NPAS3: variants seen among roughly 807,000 people sequenced by gnomAD.
NPAS3 encodes neuronal PAS domain protein 3.
NPAS3 carries 14 observed loss-of-function variants against 73.1 expected under a neutral mutation model. That is an observed-to-expected ratio of 0.19 (90% CI 0.13 to 0.30). NPAS3 has a LOEUF of 0.30. Ranked by LOEUF, NPAS3 falls within the 10% of genes least tolerant of loss-of-function variation. NPAS3 has a pLI of 1.00. For missense variants in NPAS3, 1,096 were observed against 1,250.0 expected, an observed-to-expected ratio of 0.88 and a Z score of 1.86; for synonymous variants, 620 against 541.5, an observed-to-expected ratio of 1.14 and a Z score of -2.01.
chr14:33,748,966 G>C (rs1229311399), intron 7 of NPAS3, among the ~76,000 whole-genome samples: 1 of 152,122 alleles, frequency 6.6e-6, no homozygotes, highest in Non-Finnish European at 1.5e-5. Flanking sequence ...GCTAGTTTGA[G>C]AATCTGAAAT....
chr14:33,657,158 T>C (rs1314967761), intron 5 of NPAS3, among the ~76,000 whole-genome samples: 3 of 152,182 alleles, frequency 2.0e-5, no homozygotes, highest in Non-Finnish European at 4.4e-5. Context: ...GTCAAATTCA[T>C]AGAAACAGAC....
At chr14:33,314,252 A>G (rs2043120023) in intron 3 of NPAS3, among the ~76,000 whole-genome samples, 1 of 152,036 alleles carries the variant, frequency 6.6e-6, no homozygotes, top group South Asian at 2.1e-4. Flanking sequence ...ATTTATTGTA[A>G]TTTTCTTCCA....
chr14:33,755,372 A>G (rs1386993597), intron 7 of NPAS3, among the ~76,000 whole-genome samples: 1 of 152,214 alleles, frequency 6.6e-6, no homozygotes, highest in African/African-American at 2.4e-5. Context: ...TGTGAAGAAA[A>G]GCCACTTTTA....
intron 4 of NPAS3, among the ~76,000 whole-genome samples, chr14:33,458,840 A>G (rs2050131606): frequency 2.0e-5 from 3 of 152,216 alleles, no homozygotes; most frequent in African/African-American, 7.2e-5. Context: ...GTTACAGGAA[A>G]GGGGTCCCGA....
At chr14:33,447,363 G>T (rs2049562752) in intron 4 of NPAS3, among the ~76,000 whole-genome samples, 2 of 152,234 alleles carry the variant, frequency 1.3e-5, no homozygotes, top group Non-Finnish European at 2.9e-5. Flanking sequence ...ATGAGAGTGT[G>T]CGTGTGCTGT....
intron 1 of NPAS3, among the ~76,000 whole-genome samples, chr14:32,993,898 T>G (rs1173469363): frequency 6.6e-6 from 1 of 152,212 alleles, no homozygotes; most frequent in African/African-American, 2.4e-5. Flanking sequence ...TCTTTCCAGG[T>G]CTTTTTGGCA....
At chr14:33,262,201 A>G (rs1489720124) in intron 3 of NPAS3, among the ~76,000 whole-genome samples, 1 of 152,232 alleles carries the variant, frequency 6.6e-6, no homozygotes, top group Admixed American at 6.5e-5. Context: ...TGCCTTCATC[A>G]TTCTAGATCT....
chr14:32,964,160 T>TAAAAAAAA (rs34380538), intron 1 of NPAS3, among the ~76,000 whole-genome samples: 1 of 75,440 alleles, frequency 1.3e-5, no homozygotes, highest in Non-Finnish European at 2.3e-5. Context: ...TTTGCTGCAC[T>TAAAAAAAA]AAAAAAAAAA....
chr14:33,440,663 C>T lies in NPAS3; in HGVS notation c.468+73395C>T, dbSNP rs371361596. On this transcript the variant is annotated intron_variant, in intron 4 of 11. Coordinates refer to ENST00000356141, the Ensembl canonical transcript of NPAS3. ...ATCCCAGCACTTTGGGAGGCTGAGGCGGGTGGATCACCTGAGGTCAGGAGT... is the reference window on the plus strand; with the variant it reads ...ATCCCAGCACTTTGGGAGGCTGAGGTGGGTGGATCACCTGAGGTCAGGAGT... 2.9e-4 allele frequency among the ~76,000 whole-genome samples: 44 copies of T among 152,224 alleles called. No homozygotes were observed. In the East Asian group the frequency reaches 6.8e-3, roughly 23 times the overall value.
At chr14:33,643,491 G>C (rs2058737542) in intron 5 of NPAS3, among the ~76,000 whole-genome samples, 1 of 150,632 alleles carries the variant, frequency 6.6e-6, no homozygotes, top group Admixed American at 6.6e-5. Context: ...GTGTCAAAAA[G>C]CATCTTTGTT....
intron 4 of NPAS3, among the ~76,000 whole-genome samples, chr14:33,495,148 T>G (rs933993053): frequency 3.9e-5 from 6 of 152,158 alleles, no homozygotes; most frequent in Admixed American, 6.5e-5. Flanking sequence ...CTGCTTTAGC[T>G]GTATCCCAGA....
intron 4 of NPAS3, among the ~76,000 whole-genome samples, chr14:33,385,313 C>G (rs1463764183): frequency 6.6e-6 from 1 of 152,136 alleles, no homozygotes; most frequent in Non-Finnish European, 1.5e-5. Context: ...ATCAGAAAAA[C>G]AGACACAAAT....
chr14:33,456,087 G>T (rs533435069), intron 4 of NPAS3, among the ~76,000 whole-genome samples: 17 of 152,168 alleles, frequency 1.1e-4, no homozygotes, highest in Non-Finnish European at 1.8e-4. Context: ...CTCATTCAGA[G>T]AGCTTTGGAT....
At chr14:33,139,441 G>A (rs1383256724) in intron 2 of NPAS3, among the ~76,000 whole-genome samples, 4 of 152,144 alleles carry the variant, frequency 2.6e-5, no homozygotes, top group African/African-American at 7.2e-5. Flanking sequence ...ATTTTAACTT[G>A]CCAACAGGAG....
chr14:33,796,325 A>G (rs1197006072), intron 10 of NPAS3, among the ~76,000 whole-genome samples: 2 of 152,202 alleles, frequency 1.3e-5, no homozygotes, highest in Non-Finnish European at 2.9e-5. Context: ...GACTCAGAGT[A>G]TTCAGAGACA....
chr14:33,487,003 C>T (rs1012023), intron 4 of NPAS3, among the ~76,000 whole-genome samples: 1 of 151,876 alleles, frequency 6.6e-6, no homozygotes, highest in South Asian at 2.1e-4. Flanking sequence ...TTAAATTTGA[C>T]GAGGTGAAGA....
chr14:33,534,985 A>T (rs2054197795), intron 4 of NPAS3, among the ~76,000 whole-genome samples: 1 of 152,196 alleles, frequency 6.6e-6, no homozygotes, highest in African/African-American at 2.4e-5. Flanking sequence ...ACATATTAGC[A>T]AGGAGCAGTA....
At chr14:33,192,425 AGGTGT>A (rs2046203932) in intron 2 of NPAS3, among the ~76,000 whole-genome samples, 1 of 152,144 alleles carries the variant, frequency 6.6e-6, no homozygotes, top group East Asian at 1.9e-4. Context: ...GATAGCCTTG[AGGTGT>A]GGTATGAGTT....
intron 3 of NPAS3, among the ~76,000 whole-genome samples, chr14:33,336,870 C>A (rs1356370389): frequency 3.7e-5 from 2 of 54,088 alleles, no homozygotes; most frequent in Non-Finnish European, 3.1e-5. Flanking sequence ...TATTAGCCTT[C>A]CTTATATCTT....
Sources: gnomAD v4.1 joint callset for allele counts (sites outside exome capture counted in the v4.1 genomes callset) on GRCh38, gnomAD v4.1.1 for gene constraint, MANE v1.5 for transcripts, NCBI Gene and HGNC (gene_info 2026-07-23, HGNC 2026-07-21) for gene names.